FERRY3: variants seen among roughly 807,000 people sequenced by gnomAD.
FERRY3 encodes the protein protein C12orf4.
At chr12:4,510,364 G>A in the FERRY3 span, among the ~76,000 whole-genome samples, 1 of 127,808 alleles carries the variant, frequency 7.8e-6, no homozygotes. Context: ...AGCAAGGCAG[G>A]CCAACGTTCA....
the FERRY3 span, among the ~76,000 whole-genome samples, chr12:4,527,186 T>G: frequency 6.6e-6 from 1 of 152,160 alleles, no homozygotes; most frequent in Non-Finnish European, 1.5e-5. Flanking sequence ...ATTGCCATTT[T>G]TAAAGTTTAA....
At chr12:4,490,735 T>A in the FERRY3 span, 1 of 617,582 alleles carries the variant, frequency 1.6e-6, no homozygotes, top group Non-Finnish European at 2.8e-6. Context: ...AGGCTACACC[T>A]AAAGGACAGA....
the FERRY3 span, among the ~76,000 whole-genome samples, chr12:4,491,761 C>T: frequency 6.6e-6 from 1 of 152,182 alleles, no homozygotes; most frequent in Admixed American, 6.5e-5. Flanking sequence ...CACTGATAAT[C>T]TTCCACAGTA....
the FERRY3 span, chr12:4,525,355 C>T: frequency 9.9e-6 from 16 of 1,612,946 alleles, no homozygotes; most frequent in Admixed American, 8.3e-5. Context: ...TTAATTCATT[C>T]GACCATTTAT....
At chr12:4,529,871 C>G in the FERRY3 span, 3 of 1,573,028 alleles carry the variant, frequency 1.9e-6, no homozygotes, top group South Asian at 3.6e-5. Flanking sequence ...TGAAATACCT[C>G]TCTCGTAATT....
the FERRY3 span, among the ~76,000 whole-genome samples, chr12:4,507,341 A>G: frequency 1.3e-5 from 2 of 152,190 alleles, no homozygotes; most frequent in Admixed American, 1.3e-4. Flanking sequence ...AGATTTTCTG[A>G]AAGGTTTTGT....
the FERRY3 span, among the ~76,000 whole-genome samples, chr12:4,533,531 T>C: frequency 6.6e-6 from 1 of 152,242 alleles, no homozygotes; most frequent in East Asian, 1.9e-4. Flanking sequence ...TTATACTTGA[T>C]GTCATCTTGG....
the FERRY3 span, among the ~76,000 whole-genome samples, chr12:4,513,578 G>C: frequency 6.6e-6 from 1 of 151,790 alleles, no homozygotes; most frequent in Admixed American, 6.6e-5. Flanking sequence ...AGAGCCCTCA[G>C]AAATAACGCC....
At chr12:4,520,894 TAATA>T in the FERRY3 span, among the ~76,000 whole-genome samples, 11 of 152,106 alleles carry the variant, frequency 7.2e-5, no homozygotes, top group Non-Finnish European at 1.0e-4. Context: ...GTGAATAAGC[TAATA>T]AATAAAGTCT....
chr12:4,494,355 C>T, the FERRY3 span, among the ~76,000 whole-genome samples: 3 of 152,110 alleles, frequency 2.0e-5, no homozygotes, highest in African/African-American at 4.8e-5. Context: ...TAATTTATTA[C>T]GTTCGTCTTT....
chr12:4,505,152 G>GA, the FERRY3 span, among the ~76,000 whole-genome samples: 3 of 152,162 alleles, frequency 2.0e-5, no homozygotes, highest in Non-Finnish European at 4.4e-5. Flanking sequence ...AAACGTCTGT[G>GA]AAAGTGTATT....
the FERRY3 span, among the ~76,000 whole-genome samples, chr12:4,510,657 T>C: frequency 6.6e-6 from 1 of 150,730 alleles, no homozygotes; most frequent in Non-Finnish European, 1.5e-5. Flanking sequence ...GCTTCGTAAG[T>C]GAAGGAGAAA....
the FERRY3 span, among the ~76,000 whole-genome samples, chr12:4,510,292 G>T: frequency 1.4e-5 from 2 of 147,836 alleles, no homozygotes; most frequent in Admixed American, 6.7e-5. Context: ...AAGTGATGGG[G>T]AGAATGGAAC....
chr12:4,501,429 CA>C, the FERRY3 span, among the ~76,000 whole-genome samples: 5 of 152,172 alleles, frequency 3.3e-5, no homozygotes, highest in Non-Finnish European at 7.4e-5. Flanking sequence ...AACCGGGCTG[CA>C]TAGTGGGAGG....
chr12:4,528,433 G>C, the FERRY3 span, among the ~76,000 whole-genome samples: 1 of 152,156 alleles, frequency 6.6e-6, no homozygotes, highest in East Asian at 1.9e-4. Flanking sequence ...GTCTTCCCCA[G>C]GGAAATATGT....
At chr12:4,489,900 C>A in the FERRY3 span, 1 of 1,560,740 alleles carries the variant, frequency 6.4e-7, no homozygotes, top group South Asian at 1.1e-5. Context: ...CAGAAATACT[C>A]TGTAAGACGA....
chr12:4,517,023 A>G, the FERRY3 span: 2 of 1,449,852 alleles, frequency 1.4e-6, no homozygotes, highest in South Asian at 3.3e-5. Context: ...TATTACAGTG[A>G]TTATAGACAG....
chr12:4,516,827 C>T, the FERRY3 span, among the ~76,000 whole-genome samples: 9 of 152,070 alleles, frequency 5.9e-5, no homozygotes, highest in Non-Finnish European at 5.9e-5. Context: ...AACAAACCTG[C>T]GCATCCTGTA....
the FERRY3 span, chr12:4,491,188 T>C: frequency 5.0e-6 from 8 of 1,613,346 alleles, no homozygotes; most frequent in Non-Finnish European, 6.8e-6. Flanking sequence ...TTTGACACAC[T>C]TGAACACAAG....
Sources: gnomAD v4.1 joint callset for allele counts (sites outside exome capture counted in the v4.1 genomes callset) on GRCh38, gnomAD v4.1.1 for gene constraint, MANE v1.5 for transcripts, NCBI Gene and HGNC (gene_info 2026-07-23, HGNC 2026-07-21) for gene names.